Variants in ERI1 observed in about 807,000 individuals in gnomAD.
ERI1 encodes the protein 3'-5' exoribonuclease 1.
Under a neutral mutation model 39.7 loss-of-function variants are expected in ERI1, and 39 were observed. The observed-to-expected ratio is 0.98, with a 90% CI of 0.76 to 1.28. The LOEUF is 1.28. Among genes scored for constraint, ERI1 ranks in the 50% most tolerant of loss-of-function variants. ERI1 has a pLI of 0.00. For missense variants in ERI1, 581 were observed against 416.9 expected (o/e 1.39, Z -3.43); for synonymous variants, 204 against 149.6 (o/e 1.36, Z -2.65).
At chr8:9,051,381 G>T (rs976029657) in intron 3 of ERI1, among the ~76,000 whole-genome samples, 1 of 152,024 alleles carries the variant, frequency 6.6e-6, no homozygotes, top group African/African-American at 2.4e-5. Context: ...TAAGGGCTGG[G>T]CGTGGTGGCT....
At chr8:9,054,625 C>T (rs1798451192) in intron 3 of ERI1, among the ~76,000 whole-genome samples, 1 of 152,216 alleles carries the variant, frequency 6.6e-6, no homozygotes. Flanking sequence ...CAGGGACAGC[C>T]ACGTAGAAAC....
At chr8:9,099,979 A>C (rs974352473) in intron 3 of ERI1, 1 of 152,302 alleles carries the variant, frequency 6.6e-6, no homozygotes, top group African/African-American at 2.4e-5. Context: ...CAAGATGGTA[A>C]AGATGAAAAA....
intron 3 of ERI1, among the ~76,000 whole-genome samples, chr8:9,080,896 G>A (rs941740495): frequency 2.0e-5 from 3 of 152,236 alleles, no homozygotes; most frequent in African/African-American, 7.2e-5. Context: ...ATACTGAAAT[G>A]TTCACTGACA....
chr8:9,070,749 C>A (rs1387305697), intron 3 of ERI1, among the ~76,000 whole-genome samples: 1 of 152,176 alleles, frequency 6.6e-6, no homozygotes, highest in South Asian at 2.1e-4. Flanking sequence ...TGGTTCAAGT[C>A]GCATGTCTGT....
intron 3 of ERI1, among the ~76,000 whole-genome samples, chr8:9,039,225 A>G (rs370537703): frequency 6.6e-6 from 1 of 152,216 alleles, no homozygotes; most frequent in African/African-American, 2.4e-5. Flanking sequence ...GTTACTTTCA[A>G]AACACCTTTT....
Position 9,057,688 on chromosome 8 carries a change from TGTTG to T in ERI1, n.299+37225_299+37228del, listed in dbSNP as rs1457606568. On this transcript the variant is annotated intron_variant and non_coding_transcript_variant, in intron 3 of 3. Coordinates refer to the ERI1 transcript ENST00000518663. ...GGAAGAAAGTAAACATCCTTAAGTC[TGTTG>T]TCAAATAAATTAAAAGATGTTCATT... Among the ~76,000 whole-genome samples the T allele has an allele frequency of 7.8e-5, 10 of 128,316 alleles. No homozygotes were observed. In the Admixed American group the frequency reaches 8.2e-4, roughly 11 times the overall value. The allele number at this position is 128,316 out of a possible 152,430, so 84.2% of individuals were successfully genotyped here.
downstream of ERI1, among the ~76,000 whole-genome samples, chr8:9,036,028 C>A (rs1040629050): frequency 3.9e-5 from 6 of 152,168 alleles, no homozygotes; most frequent in African/African-American, 1.4e-4. Context: ...GACTGAATTG[C>A]TGCAGCCTCA....
chr8:9,050,443 G>A (rs1465474103), intron 3 of ERI1, among the ~76,000 whole-genome samples: 2 of 150,784 alleles, frequency 1.3e-5, no homozygotes, highest in Non-Finnish European at 2.9e-5. Context: ...GGAAGTCGAT[G>A]TTGCAGTGAG....
At chr8:9,037,010 C>G (rs1177140303), downstream of ERI1, among the ~76,000 whole-genome samples, 1 of 152,150 alleles carries the variant, frequency 6.6e-6, no homozygotes, top group Non-Finnish European at 1.5e-5. Context: ...CTCACCCCAG[C>G]CTCTGTTATC....
chr8:9,007,086 C>G (rs183862226), intron 1 of ERI1, among the ~76,000 whole-genome samples: 1 of 152,146 alleles, frequency 6.6e-6, no homozygotes, highest in Non-Finnish European at 1.5e-5. Flanking sequence ...AAATAACTTA[C>G]AAATGAATCT....
At chr8:9,005,454 C>G (rs1001729220) in intron 1 of ERI1, among the ~76,000 whole-genome samples, 2 of 151,674 alleles carry the variant, frequency 1.3e-5, no homozygotes, top group Admixed American at 1.3e-4. Context: ...TATAGAATAC[C>G]TGTCTTTTTG....
chr8:9,020,300 A>G, intron 5 of ERI1, 50 bp from the exon 6 acceptor site: 3 of 963,956 alleles, frequency 3.1e-6, no homozygotes, highest in Non-Finnish European at 4.6e-6. Flanking sequence ...CATTTGTAAG[A>G]ATAGCATAGC....
chr8:9,007,455 A>C (rs1382232501), intron 1 of ERI1, among the ~76,000 whole-genome samples: 2 of 152,220 alleles, frequency 1.3e-5, no homozygotes, highest in African/African-American at 4.8e-5. Flanking sequence ...ATTGTTTGTG[A>C]AGGGCTTGTT....
chr8:9,014,700 ATG>A (rs1298777033), intron 3 of ERI1, among the ~76,000 whole-genome samples: 1 of 152,244 alleles, frequency 6.6e-6, no homozygotes, highest in African/African-American at 2.4e-5. Flanking sequence ...TTTTGAAAGA[ATG>A]TCATTTAGAA....
chr8:9,071,730 T>C (rs1799057818), intron 3 of ERI1, among the ~76,000 whole-genome samples: 1 of 152,210 alleles, frequency 6.6e-6, no homozygotes. Context: ...CCTTTGGTTT[T>C]TGAGCTCCAA....
intron 3 of ERI1, among the ~76,000 whole-genome samples, chr8:9,096,466 A>G (rs1299708422): frequency 6.6e-6 from 1 of 152,052 alleles, no homozygotes; most frequent in Non-Finnish European, 1.5e-5. Flanking sequence ...TTTCTTTCCC[A>G]TGGAGGTAGT....
intron 3 of ERI1, among the ~76,000 whole-genome samples, chr8:9,053,045 C>G (rs1798407821): frequency 6.6e-6 from 1 of 152,132 alleles, no homozygotes; most frequent in Non-Finnish European, 1.5e-5. Flanking sequence ...GAGACGGAGT[C>G]TTGCTCTGTC....
chr8:9,075,661 C>T (rs570143519), intron 3 of ERI1, among the ~76,000 whole-genome samples: 2 of 152,206 alleles, frequency 1.3e-5, no homozygotes, highest in South Asian at 4.2e-4. Flanking sequence ...CCACGGTGTG[C>T]ACACATCAAC....
intron 6 of ERI1, among the ~76,000 whole-genome samples, chr8:9,025,458 A>G (rs1365831264): frequency 6.6e-6 from 1 of 152,218 alleles, no homozygotes; most frequent in Admixed American, 6.5e-5. Flanking sequence ...TGCGTTTTGC[A>G]GCGCTTCTTC....
Sources: gnomAD v4.1 joint callset for allele counts (sites outside exome capture counted in the v4.1 genomes callset) on GRCh38, gnomAD v4.1.1 for gene constraint, MANE v1.5 for transcripts, NCBI Gene and HGNC (gene_info 2026-07-23, HGNC 2026-07-21) for gene names.